THRB: variants seen among roughly 807,000 people sequenced by gnomAD.
The protein encoded by THRB is nuclear receptor subfamily 1 group A member 2.
THRB carries 12 observed loss-of-function variants against 47.8 expected under a neutral mutation model. The ratio of observed to expected loss-of-function variants is 0.25; its 90% CI spans 0.16 to 0.41. THRB has a LOEUF of 0.41. Ranked by LOEUF, THRB falls within the 10% of genes least tolerant of loss-of-function variation. The pLI is 1.00. For synonymous variants in THRB, 218 were observed against 212.2 expected, an observed-to-expected ratio of 1.03 and a Z score of -0.24; for missense variants, 348 against 589.2, an observed-to-expected ratio of 0.59 and a Z score of 4.24.
intron 3 of THRB, among the ~76,000 whole-genome samples, chr3:24,266,760 A>T (rs1303188746): frequency 6.6e-6 from 1 of 152,196 alleles, no homozygotes; most frequent in Non-Finnish European, 1.5e-5. Context: ...GATGACATGG[A>T]GAAAATGCCA....
At chr3:24,437,040 C>T (rs757536969) in intron 1 of THRB, among the ~76,000 whole-genome samples, 1 of 150,908 alleles carries the variant, frequency 6.6e-6, no homozygotes, top group Non-Finnish European at 1.5e-5. Flanking sequence ...TGGCACTTTT[C>T]TCCATTATCA....
At chr3:24,310,129 A>T (rs987312610) in intron 2 of THRB, among the ~76,000 whole-genome samples, 13 of 152,150 alleles carry the variant, frequency 8.5e-5, no homozygotes, top group African/African-American at 2.9e-4. Context: ...CTGTGTGCTT[A>T]TTTAAAATCT....
chr3:24,433,432 G>T (rs2070646264), intron 1 of THRB, among the ~76,000 whole-genome samples: 1 of 152,016 alleles, frequency 6.6e-6, no homozygotes, highest in African/African-American at 2.4e-5. Flanking sequence ...AATGGAGGGA[G>T]AAGCCAAAAA....
intron 1 of THRB, among the ~76,000 whole-genome samples, chr3:24,408,201 G>T (rs1006810627): frequency 6.6e-6 from 1 of 151,784 alleles, no homozygotes; most frequent in African/African-American, 2.4e-5. Flanking sequence ...ACCATTAAAG[G>T]TTTGTCAGCT....
At chr3:24,191,647 G>C (rs1301022920) in intron 4 of THRB, among the ~76,000 whole-genome samples, 2 of 152,204 alleles carry the variant, frequency 1.3e-5, no homozygotes, top group East Asian at 3.8e-4. Context: ...AAAGCTACCA[G>C]ATGTCTTCAG....
At chr3:24,400,837 C>G (rs1181696700) in intron 1 of THRB, among the ~76,000 whole-genome samples, 1 of 152,050 alleles carries the variant, frequency 6.6e-6, no homozygotes, top group African/African-American at 2.4e-5. Flanking sequence ...CCCCTCAGAA[C>G]TTTCACTGGG....
intron 1 of THRB, among the ~76,000 whole-genome samples, chr3:24,382,758 C>T (rs1423299852): frequency 6.6e-6 from 1 of 152,106 alleles, no homozygotes; most frequent in East Asian, 1.9e-4. Flanking sequence ...GAAATTCACC[C>T]ATTTTTCTCC....
chr3:24,298,450 A>G (rs2056629731), intron 2 of THRB, among the ~76,000 whole-genome samples: 2 of 152,248 alleles, frequency 1.3e-5, no homozygotes, highest in Admixed American at 1.3e-4. Flanking sequence ...TTATTCAGAT[A>G]TAATTAAGAG....
intron 4 of THRB, among the ~76,000 whole-genome samples, chr3:24,209,384 C>T (rs996331109): frequency 2.0e-5 from 3 of 152,152 alleles, no homozygotes; most frequent in Non-Finnish European, 4.4e-5. Context: ...CACGTATGTT[C>T]ATTGTGGCAC....
intron 1 of THRB, among the ~76,000 whole-genome samples, chr3:24,420,423 C>G (rs1399380572): frequency 6.6e-6 from 1 of 151,888 alleles, no homozygotes; most frequent in East Asian, 1.9e-4. Flanking sequence ...TGCTGAAGTT[C>G]ATGGTGAGCA....
chr3:24,325,316 C>A (rs192344500), intron 2 of THRB, among the ~76,000 whole-genome samples: 6 of 152,114 alleles, frequency 3.9e-5, no homozygotes, highest in Non-Finnish European at 7.4e-5. Flanking sequence ...ATATTAAATG[C>A]TTCCTCTCAA....
At chr3:24,165,976 A>C (rs1236705939) in intron 5 of THRB, among the ~76,000 whole-genome samples, 1 of 152,186 alleles carries the variant, frequency 6.6e-6, no homozygotes, top group Non-Finnish European at 1.5e-5. Context: ...CCAAAACATT[A>C]ATCTAGCTGT....
At chr3:24,130,189 A>G (rs1373011226) in intron 9 of THRB, among the ~76,000 whole-genome samples, 1 of 152,228 alleles carries the variant, frequency 6.6e-6, no homozygotes, top group African/African-American at 2.4e-5. Context: ...TGTAATTGGC[A>G]GACCACACGA....
chr3:24,309,286 T>C (rs1400360692), intron 2 of THRB, among the ~76,000 whole-genome samples: 1 of 152,230 alleles, frequency 6.6e-6, no homozygotes, highest in African/African-American at 2.4e-5. Context: ...CAACAATAGT[T>C]TGACAAAACA....
At chr3:24,210,308 T>C (rs1218588336) in intron 4 of THRB, among the ~76,000 whole-genome samples, 1 of 152,178 alleles carries the variant, frequency 6.6e-6, no homozygotes, top group African/African-American at 2.4e-5. Flanking sequence ...CATACCTGCA[T>C]GTTCCCTTCA....
chr3:24,354,769 T>A (rs1270366395), intron 1 of THRB, among the ~76,000 whole-genome samples: 1 of 152,140 alleles, frequency 6.6e-6, no homozygotes, highest in Non-Finnish European at 1.5e-5. Flanking sequence ...GGAAACAAGA[T>A]TTTGAATCCC....
intron 3 of THRB, among the ~76,000 whole-genome samples, chr3:24,240,965 C>G (rs1330734105): frequency 1.3e-5 from 2 of 152,148 alleles, no homozygotes; most frequent in Non-Finnish European, 2.9e-5. Context: ...TCAGCCTTCT[C>G]TAGAATATTT....
intron 5 of THRB, chr3:24,165,611 G>A: frequency 2.4e-6 from 1 of 419,978 alleles, no homozygotes; most frequent in Non-Finnish European, 4.2e-6. Flanking sequence ...CAAACATATT[G>A]GAAAGCAGAT....
At chr3:24,276,157 T>C (rs2053895768) in intron 3 of THRB, among the ~76,000 whole-genome samples, 1 of 152,184 alleles carries the variant, frequency 6.6e-6, no homozygotes, top group Admixed American at 6.6e-5. Context: ...TGTATGGCTA[T>C]GCTAAGTAGT....
Sources: gnomAD v4.1 joint callset for allele counts (sites outside exome capture counted in the v4.1 genomes callset) on GRCh38, gnomAD v4.1.1 for gene constraint, MANE v1.5 for transcripts, NCBI Gene and HGNC (gene_info 2026-07-23, HGNC 2026-07-21) for gene names.